GRIK3: variants seen among roughly 807,000 people sequenced by gnomAD.
GRIK3 encodes glutamate ionotropic receptor kainate type subunit 3, also known as glutamate receptor ionotropic, kainate 3.
GRIK3 carries 29 observed loss-of-function variants against 102.5 expected under a neutral mutation model. The ratio of observed to expected loss-of-function variants is 0.28; its 90% CI spans 0.21 to 0.39. GRIK3 has a LOEUF of 0.39. Among genes scored for constraint, GRIK3 ranks in the 10% least tolerant of loss-of-function variants. The pLI, the probability that GRIK3 is intolerant of heterozygous loss-of-function variation, is 1.00. For synonymous variants in GRIK3, 511 were observed against 504.9 expected (o/e 1.01, Z -0.16); for missense variants, 908 against 1,252.4 (o/e 0.73, Z 4.15).
intron 11 of GRIK3, among the ~76,000 whole-genome samples, chr1:36,824,768 G>A (rs1053571985): frequency 3.3e-5 from 5 of 152,014 alleles, no homozygotes; most frequent in Non-Finnish European, 5.9e-5. Flanking sequence ...CCACCAACCC[G>A]GGGCAGGGGC....
At chr1:36,928,666 G>T (rs919115452) in intron 1 of GRIK3, among the ~76,000 whole-genome samples, 1 of 152,148 alleles carries the variant, frequency 6.6e-6, no homozygotes, top group African/African-American at 2.4e-5. Flanking sequence ...AACCCTCCCT[G>T]GTTTCCCACA....
intron 1 of GRIK3, among the ~76,000 whole-genome samples, chr1:36,903,315 A>G (rs547966806): frequency 6.6e-6 from 1 of 152,378 alleles, no homozygotes; most frequent in South Asian, 2.1e-4. Flanking sequence ...GAACACTAGC[A>G]ACACCAAAGT....
chr1:37,032,194 A>G (rs557108509), intron 1 of GRIK3, among the ~76,000 whole-genome samples: 4 of 152,068 alleles, frequency 2.6e-5, no homozygotes, highest in African/African-American at 9.7e-5. Context: ...ATTCAATTTC[A>G]CAGTAAGGAT....
intron 1 of GRIK3, among the ~76,000 whole-genome samples, chr1:36,981,182 T>G (rs1057044230): frequency 6.6e-6 from 1 of 152,210 alleles, no homozygotes; most frequent in South Asian, 2.1e-4. Flanking sequence ...CCAGGGCTAA[T>G]GTCTTCTCTG....
At chr1:36,990,842 G>C (rs1026978063) in intron 1 of GRIK3, among the ~76,000 whole-genome samples, 1 of 152,150 alleles carries the variant, frequency 6.6e-6, no homozygotes, top group Admixed American at 6.5e-5. Flanking sequence ...AGGACAGCTG[G>C]GGTCAGATGA....
intron 11 of GRIK3, among the ~76,000 whole-genome samples, chr1:36,824,745 C>T (rs945884584): frequency 5.9e-5 from 9 of 151,852 alleles, no homozygotes; most frequent in South Asian, 2.1e-4. Flanking sequence ...GGGTGGGGAG[C>T]GGGCCCCAGC....
intron 10 of GRIK3, among the ~76,000 whole-genome samples, chr1:36,836,794 C>T (rs1640384841): frequency 6.6e-6 from 1 of 152,220 alleles, no homozygotes; most frequent in South Asian, 2.1e-4. Flanking sequence ...TAGCCTCCCT[C>T]TTGCTCTGAT....
chr1:36,942,503 TAGA>T (rs1641734767), intron 1 of GRIK3, among the ~76,000 whole-genome samples: 1 of 152,154 alleles, frequency 6.6e-6, no homozygotes, highest in South Asian at 2.1e-4. Context: ...GAGCTCAAGC[TAGA>T]AGGAGCTAGG....
intron 5 of GRIK3, among the ~76,000 whole-genome samples, chr1:36,865,241 T>C (rs1296518600): frequency 1.3e-5 from 2 of 152,210 alleles, no homozygotes. Context: ...CTGGGGCTGA[T>C]TAATGCGAGG....
intron 1 of GRIK3, among the ~76,000 whole-genome samples, chr1:37,013,134 A>G (rs1642615234): frequency 6.6e-6 from 1 of 152,216 alleles, no homozygotes; most frequent in Non-Finnish European, 1.5e-5. Context: ...AGAGAATGAG[A>G]GCCAAGCAAA....
intron 1 of GRIK3, among the ~76,000 whole-genome samples, chr1:36,975,642 G>A (rs892488647): frequency 6.6e-6 from 1 of 152,176 alleles, no homozygotes; most frequent in Non-Finnish European, 1.5e-5. Flanking sequence ...CATGGAGATC[G>A]GTATGCTGCT....
chr1:36,844,469 C>T (rs147407357), intron 9 of GRIK3, among the ~76,000 whole-genome samples: 104 of 152,288 alleles, frequency 6.8e-4, no homozygotes, highest in African/African-American at 2.4e-3. Context: ...TGGGGCCTGG[C>T]GAGCAGGGTC....
At chr1:36,874,832 G>A (rs1477986081) in intron 3 of GRIK3, among the ~76,000 whole-genome samples, 2 of 152,162 alleles carry the variant, frequency 1.3e-5, no homozygotes, top group Non-Finnish European at 2.9e-5. Flanking sequence ...AATGCATGGT[G>A]ACCCACATTC....
chr1:36,902,940 C>T (rs1641247511), intron 1 of GRIK3, among the ~76,000 whole-genome samples: 1 of 152,108 alleles, frequency 6.6e-6, no homozygotes, highest in African/African-American at 2.4e-5. Flanking sequence ...GAGGCGTCCA[C>T]CACCACATCC....
chr1:36,861,338 C>T (rs1640722760), intron 5 of GRIK3, among the ~76,000 whole-genome samples: 1 of 152,226 alleles, frequency 6.6e-6, no homozygotes, highest in Middle Eastern at 3.2e-3. Context: ...CTGAGCTCCT[C>T]CTCGTCTACT....
At position 36,936,256 on chromosome 1, in the gene GRIK3, C is replaced by T. The variant is rs1422608524; in HGVS notation, c.116-45160G>A. ...TCATCCCCCCATCCTGGAGGAATCC[C>T]AACCCAGGGCAAATCAGGGGATGGC... is the stretch of plus-strand genomic sequence containing the variant. On this transcript the variant is annotated intron_variant, in intron 1 of 15. Transcript: ENST00000373091. Among the ~76,000 whole-genome samples, 3 of 152,182 alleles carry T rather than the reference C, an allele frequency of 2.0e-5. No individual in the cohort carries two copies. In the East Asian group the frequency reaches 5.8e-4, roughly 29 times the overall value.
At chr1:36,955,909 T>A (rs757533092) in intron 1 of GRIK3, among the ~76,000 whole-genome samples, 1 of 152,272 alleles carries the variant, frequency 6.6e-6, no homozygotes, top group Non-Finnish European at 1.5e-5. Context: ...AGCCATGGCC[T>A]GTGGCCAAGG....
intron 11 of GRIK3, among the ~76,000 whole-genome samples, chr1:36,822,388 G>A (rs954303283): frequency 3.9e-5 from 6 of 152,196 alleles, no homozygotes; most frequent in African/African-American, 1.4e-4. Context: ...CATGCACGGT[G>A]CCCATTTTAC....
Position 36,800,590 on chromosome 1 carries a change from A to T in GRIK3, c.*1261T>A. ...GTGTGGGGTCTTTGGTTAATTCTCC[A>T]GGAGGCAGCTTCTTCCTCCCCACCC... On this transcript the variant is annotated 3_prime_UTR_variant, in exon 16 of 16. Coordinates refer to ENST00000373091, the MANE Select transcript of GRIK3 (RefSeq NM_000831.4). 1 of 152,196 alleles carries T rather than the reference A, an allele frequency of 6.6e-6. No homozygotes were observed. Among genetic ancestry groups the T allele is most frequent in the South Asian group, 2.1e-4 (1 of 4,828 alleles). The allele number at this position is 152,196 out of a possible 1,614,324, so 9.4% of individuals were successfully genotyped here. A position where few individuals can be genotyped will look rare whatever the true frequency, so the allele number is the denominator to read the frequency against.
Sources: allele counts gnomAD v4.1 joint callset (sites outside exome capture counted in the v4.1 genomes callset), GRCh38; gene constraint gnomAD v4.1.1; transcripts MANE v1.5; gene names NCBI Gene and HGNC (gene_info 2026-07-23, HGNC 2026-07-21).